Variants in NPSR1 observed in about 807,000 individuals in gnomAD.
The protein encoded by NPSR1 is neuropeptide S receptor.
In NPSR1, 48 loss-of-function variants were observed where a neutral mutation model predicts 46.9. The ratio of observed to expected loss-of-function variants is 1.02; its 90% CI spans 0.81 to 1.30. NPSR1 has a LOEUF of 1.30. Among genes scored for constraint, NPSR1 ranks in the 50% most tolerant of loss-of-function variants. The pLI, the probability that NPSR1 is intolerant of heterozygous loss-of-function variation, is 0.00. For missense variants in NPSR1, 450 were observed against 449.5 expected (o/e 1.00, Z -0.01); for synonymous variants, 176 against 168.1 (o/e 1.05, Z -0.36).
chr7:34,667,171 G>A (rs1484290664), intron 1 of NPSR1, among the ~76,000 whole-genome samples: 3 of 152,186 alleles, frequency 2.0e-5, no homozygotes, highest in Non-Finnish European at 4.4e-5. Flanking sequence ...AATGTGAGCT[G>A]GAGCCATGGG....
At chr7:34,737,461 C>T (rs1206005128) in intron 2 of NPSR1, among the ~76,000 whole-genome samples, 1 of 152,218 alleles carries the variant, frequency 6.6e-6, no homozygotes, top group African/African-American at 2.4e-5. Flanking sequence ...TGTCCATACT[C>T]ACTGTAGTCA....
At chr7:34,668,192 G>A (rs901979297) in intron 1 of NPSR1, among the ~76,000 whole-genome samples, 6 of 152,076 alleles carry the variant, frequency 3.9e-5, no homozygotes, top group Admixed American at 3.3e-4. Context: ...GAACGAAGGT[G>A]TTCACACAAG....
At chr7:34,673,177 G>A (rs1374231690) in intron 1 of NPSR1, among the ~76,000 whole-genome samples, 1 of 151,932 alleles carries the variant, frequency 6.6e-6, no homozygotes, top group Non-Finnish European at 1.5e-5. Flanking sequence ...TCCTTATTTG[G>A]GTTTCTACAA....
chr7:34,757,078 T>C (rs1785902473), intron 2 of NPSR1, among the ~76,000 whole-genome samples: 1 of 152,206 alleles, frequency 6.6e-6, no homozygotes, highest in Non-Finnish European at 1.5e-5. Context: ...GCCATGTTGG[T>C]TCGATGAGAG....
intron 2 of NPSR1, among the ~76,000 whole-genome samples, chr7:34,760,131 A>AT (rs1786092153): frequency 6.6e-6 from 1 of 152,220 alleles, no homozygotes; most frequent in African/African-American, 2.4e-5. Flanking sequence ...GCCAGTCTTC[A>AT]TTTTAGATCT....
At chr7:34,808,198 C>A (rs1170058469) in intron 3 of NPSR1, among the ~76,000 whole-genome samples, 1 of 152,148 alleles carries the variant, frequency 6.6e-6, no homozygotes, top group Non-Finnish European at 1.5e-5. Flanking sequence ...CTCTGGAGGA[C>A]TCATGGGCTT....
intron 5 of NPSR1, among the ~76,000 whole-genome samples, chr7:34,831,658 A>C (rs1051198179): frequency 3.3e-5 from 5 of 152,152 alleles, no homozygotes; most frequent in African/African-American, 1.2e-4. Context: ...GGGTCAAAAC[A>C]ACAGGAGTTG....
chr7:34,691,191 C>CA (rs1793232342), intron 2 of NPSR1, among the ~76,000 whole-genome samples: 1 of 152,062 alleles, frequency 6.6e-6, no homozygotes, highest in Non-Finnish European at 1.5e-5. Flanking sequence ...GGGAATTTGT[C>CA]AATACTAGAC....
At chr7:34,667,627 C>T (rs1368641022) in intron 1 of NPSR1, among the ~76,000 whole-genome samples, 3 of 152,110 alleles carry the variant, frequency 2.0e-5, no homozygotes, top group African/African-American at 7.2e-5. Flanking sequence ...AAAGAAACTT[C>T]CTGGGACTCT....
At chr7:34,720,119 A>C (rs1783777229) in intron 2 of NPSR1, among the ~76,000 whole-genome samples, 1 of 152,098 alleles carries the variant, frequency 6.6e-6, no homozygotes, top group African/African-American at 2.4e-5. Flanking sequence ...ATCTCTACTA[A>C]AAATACAAAA....
chr7:34,811,704 T>A, intron 3 of NPSR1, 66 bp from the exon 4 acceptor site: 1 of 1,108,594 alleles, frequency 9.0e-7, no homozygotes, highest in Non-Finnish European at 1.3e-6. Context: ...AAGGTGCTAT[T>A]CTTTCCATTA....
chr7:34,864,393 A>T (rs1308904033), intron 8 of NPSR1, among the ~76,000 whole-genome samples: 1 of 151,688 alleles, frequency 6.6e-6, no homozygotes, highest in Admixed American at 6.6e-5. Flanking sequence ...AAGAAAAAAA[A>T]AAGACACTCC....
intron 1 of NPSR1, among the ~76,000 whole-genome samples, chr7:34,671,459 T>C (rs1457696256): frequency 6.6e-6 from 1 of 152,158 alleles, no homozygotes; most frequent in Non-Finnish European, 1.5e-5. Flanking sequence ...GAAGAATCTA[T>C]TTACTCTGCA....
intron 2 of NPSR1, chr7:34,751,312 G>A: frequency 1.0e-6 from 1 of 997,592 alleles, no homozygotes; most frequent in Non-Finnish European, 1.6e-6. Flanking sequence ...GCAGAAAGTG[G>A]TACTGATCAT....
At chr7:34,674,498 T>A (rs1272370874) in intron 1 of NPSR1, among the ~76,000 whole-genome samples, 2 of 152,206 alleles carry the variant, frequency 1.3e-5, no homozygotes, top group Non-Finnish European at 2.9e-5. Flanking sequence ...CTGTGAATGA[T>A]GGAAGCCACA....
chr7:34,695,303 C>T (rs896067828), intron 2 of NPSR1, among the ~76,000 whole-genome samples: 1 of 152,032 alleles, frequency 6.6e-6, no homozygotes. Context: ...AATATACAAA[C>T]ATTAACTCAA....
chr7:34,781,186 A>G (rs1196200378), intron 3 of NPSR1, among the ~76,000 whole-genome samples: 1 of 152,148 alleles, frequency 6.6e-6, no homozygotes, highest in Non-Finnish European at 1.5e-5. Flanking sequence ...TGCCTGGCTA[A>G]GTGTCAAAAT....
intron 2 of NPSR1, among the ~76,000 whole-genome samples, chr7:34,723,824 A>G (rs1166356982): frequency 6.6e-6 from 1 of 152,142 alleles, no homozygotes; most frequent in Admixed American, 6.5e-5. Context: ...TTTATCAGCT[A>G]TAATTTATAA....
At chr7:34,733,033 G>C (rs1385191406) in intron 2 of NPSR1, among the ~76,000 whole-genome samples, 1 of 152,156 alleles carries the variant, frequency 6.6e-6, no homozygotes, top group Non-Finnish European at 1.5e-5. Flanking sequence ...ATAATTTCTT[G>C]AACCAATTCA....
Sources: gnomAD v4.1 joint callset for allele counts (sites outside exome capture counted in the v4.1 genomes callset) on GRCh38, gnomAD v4.1.1 for gene constraint, MANE v1.5 for transcripts, NCBI Gene and HGNC (gene_info 2026-07-23, HGNC 2026-07-21) for gene names.